The following FAF2 variants were observed in gnomAD, a reference collection of about 807,000 sequenced individuals.
FAF2 encodes the protein FAS-associated factor 2.
FAF2 carries 9 observed loss-of-function variants against 62.3 expected under a neutral mutation model. The observed-to-expected ratio is 0.14, with a 90% confidence interval of 0.09 to 0.25. The LOEUF (loss-of-function observed/expected upper bound fraction) is 0.25. FAF2 is among the 10% of genes least tolerant of loss of function. FAF2 has a pLI of 1.00. For missense variants in FAF2, 368 were observed against 556.2 expected (o/e 0.66, Z 3.40); for synonymous variants, 202 against 198.0 (o/e 1.02, Z -0.17).
intron 1 of FAF2, among the ~76,000 whole-genome samples, chr5:176,460,104 G>A (rs1174971328): frequency 1.3e-5 from 2 of 152,128 alleles, no homozygotes; most frequent in African/African-American, 4.8e-5. Context: ...TAGTGTATAT[G>A]TACCACATTT....
At chr5:176,471,591 C>A (rs1758570679) in intron 1 of FAF2, among the ~76,000 whole-genome samples, 4 of 151,728 alleles carry the variant, frequency 2.6e-5, no homozygotes, top group Admixed American at 2.6e-4. Flanking sequence ...CCATGTTGGC[C>A]AGGCTGGTCT....
chr5:176,469,789 C>G (rs1345206673), intron 1 of FAF2, among the ~76,000 whole-genome samples: 3 of 152,002 alleles, frequency 2.0e-5, no homozygotes, highest in Admixed American at 6.6e-5. Context: ...TTGTTGTAGC[C>G]AGTTAGAGTA....
intron 1 of FAF2, among the ~76,000 whole-genome samples, chr5:176,476,141 T>C (rs539341961): frequency 2.6e-5 from 4 of 152,216 alleles, no homozygotes; most frequent in Admixed American, 2.6e-4. Context: ...ACACCTGTGG[T>C]TCCAGCTGCT....
Position 176,473,503 on chromosome 5 carries a change from C to T in FAF2, c.64-5685C>T, listed in dbSNP as rs58494069. On this transcript the variant is annotated intron_variant, in intron 1 of 10. Coordinates refer to ENST00000261942, the MANE Select transcript of FAF2 (RefSeq NM_014613.3). ...TTGGTCAGGTTTCTCCACTGTTAAT[C>T]CCCCTGCCCTGTTTCCGTTCTGTAC... Among the ~76,000 whole-genome samples the T allele has an allele frequency of 8.2e-4, 125 of 152,244 alleles. 1 individual carries two copies. The East Asian group carries it at 0.022, about 26-fold the overall frequency.
rs1755488393 is a variant in FAF2, at chr5:176,496,527, A to G, written c.703A>G (p.Met235Val). Residue 235 changes from methionine (M) to valine (V), a missense_variant, in exon 8 of 11, where the codon ATG becomes GTG. This residue lies in a region of FAF2 where 331 missense variants were observed against 441.9 expected (regional missense o/e 0.75). Transcript: ENST00000261942. ...AGAGAACACCTATCCATTCCTGGCC[A>G]TGATTATGCTGAAGGATCGAAGGAT... ...LRENTYPFLA[M>V]IMLKDRRMTV... is the part of the protein sequence containing the mutation. 8 of 1,611,488 alleles carry G rather than the reference A, an allele frequency of 5.0e-6. No homozygotes were observed. Among genetic ancestry groups the G allele is most frequent in the South Asian group, 1.1e-5 (1 of 90,808 alleles).
intron 1 of FAF2, among the ~76,000 whole-genome samples, chr5:176,466,080 A>G (rs1267970373): frequency 6.6e-6 from 1 of 152,242 alleles, no homozygotes; most frequent in East Asian, 1.9e-4. Context: ...ACACGGTAAT[A>G]GATGTTTAGT....
chr5:176,506,986 C>T lies in FAF2; in HGVS notation c.*36C>T, dbSNP rs1258215069. ...TTCCTGTCCCCTCCTACCCCAGTCCCTAAAAGAAATGGGGAAAAAAGAAAA... is the reference window on the plus strand; with the variant it reads ...TTCCTGTCCCCTCCTACCCCAGTCCTTAAAAGAAATGGGGAAAAAAGAAAA... On this transcript the variant is annotated 3_prime_UTR_variant, in exon 11 of 11. Coordinates refer to ENST00000261942, the MANE Select transcript of FAF2 (RefSeq NM_014613.3). The T allele has an allele frequency of 1.5e-6, 2 of 1,349,594 alleles. No individual in the cohort carries two copies. The highest frequency in any genetic ancestry group is 1.9e-6 in the Non-Finnish European group (2 of 1,036,728). 83.6% of individuals were successfully genotyped at this position (1,349,594 alleles called of 1,614,324 possible). A position where few individuals can be genotyped will look rare whatever the true frequency, so the allele number is the denominator to read the frequency against.
In FAF2 at chr5:176,486,441, A is replaced by G; in HGVS notation, c.219A>G (p.Thr73=). ...PPPSRPLQVN[T]ADHRIYSYVV... ...CATCACGACCCCTGCAGGTTAATACAGCTGACCACAGGATCTACAGCTATG... is the reference window on the plus strand; with the variant it reads ...CATCACGACCCCTGCAGGTTAATACGGCTGACCACAGGATCTACAGCTATG... The change falls in exon 3 of 11, where the codon ACA becomes ACG. Residue 73 remains threonine (T), a synonymous_variant. Coordinates refer to ENST00000261942, the MANE Select transcript of FAF2 (RefSeq NM_014613.3). 3.1e-6 allele frequency: 5 copies of G among 1,614,162 alleles called. No individual in the cohort carries two copies. Among genetic ancestry groups the G allele is most frequent in the Non-Finnish European group, 3.4e-6 (4 of 1,180,012 alleles).
chr5:176,462,009 T>G (rs891645598), intron 1 of FAF2, among the ~76,000 whole-genome samples: 7 of 152,110 alleles, frequency 4.6e-5, no homozygotes, highest in Non-Finnish European at 7.4e-5. Context: ...AGGTGCAGTG[T>G]CTCACACCTG....
At chr5:176,482,167 A>G (rs1212192078) in intron 2 of FAF2, among the ~76,000 whole-genome samples, 1 of 151,144 alleles carries the variant, frequency 6.6e-6, no homozygotes, top group Non-Finnish European at 1.5e-5. Context: ...TGTCTATTCA[A>G]GTCCTTTGCC....
intron 4 of FAF2, among the ~76,000 whole-genome samples, chr5:176,491,767 T>A (rs936826865): frequency 1.3e-5 from 2 of 150,660 alleles, no homozygotes; most frequent in Middle Eastern, 3.4e-3. Flanking sequence ...GAATTTTAAT[T>A]GTATGTAATA....
intron 10 of FAF2, among the ~76,000 whole-genome samples, chr5:176,501,154 C>T (rs1755585694): frequency 1.3e-5 from 2 of 152,000 alleles, no homozygotes; most frequent in Non-Finnish European, 2.9e-5. Flanking sequence ...ATAATAGGCA[C>T]TCCCTAGTAG....
At chr5:176,485,583 A>C (rs1308033566) in intron 2 of FAF2, among the ~76,000 whole-genome samples, 2 of 152,174 alleles carry the variant, frequency 1.3e-5, no homozygotes, top group Non-Finnish European at 2.9e-5. Context: ...GGAGGGAATG[A>C]ATTTTTTAAA....
intron 1 of FAF2, among the ~76,000 whole-genome samples, chr5:176,465,996 G>A (rs761860122): frequency 1.3e-5 from 2 of 152,208 alleles, no homozygotes; most frequent in African/African-American, 2.4e-5. Context: ...TAGACAAGGC[G>A]TGTAACTTTT....
chr5:176,478,646 C>G lies in FAF2; in HGVS notation c.64-542C>G, dbSNP rs137899297. Among the ~76,000 whole-genome samples, 9 of 152,314 alleles carry G rather than the reference C, an allele frequency of 5.9e-5. No individual in the cohort carries two copies. The East Asian group carries it at 1.7e-3, about 29-fold the overall frequency. The stretch of plus-strand genomic sequence containing the variant: ...TATGTAGAGGTTGAGTATTCCTTAT[C>G]TAAAATGCTTGGAACCACAAGTGTT... On this transcript the variant is annotated intron_variant, in intron 1 of 10. Transcript: ENST00000261942.
chr5:176,489,055 T>C (rs1253018599), intron 4 of FAF2, 28 bp downstream of exon 4: 1 of 1,568,230 alleles, frequency 6.4e-7, no homozygotes, highest in East Asian at 2.2e-5. Context: ...TATGTATTAG[T>C]AGAATAGTAA....
At chr5:176,457,750 T>C (rs1284159134) in intron 1 of FAF2, among the ~76,000 whole-genome samples, 1 of 152,150 alleles carries the variant, frequency 6.6e-6, no homozygotes, top group Non-Finnish European at 1.5e-5. Flanking sequence ...GGGGCCTGTG[T>C]GTGGGCCTTG....
chr5:176,503,967 G>C (rs1379611529), intron 10 of FAF2, among the ~76,000 whole-genome samples: 1 of 151,940 alleles, frequency 6.6e-6, no homozygotes, highest in African/African-American at 2.4e-5. Context: ...TTCGAGACCA[G>C]CCTGGCCAAC....
rs140685958 is a variant in FAF2 at position 176,450,964 on chromosome 5, C to T, written c.63+2494C>T. ...TTCATTTTTCTATTCTATAAGCAAT[C>T]GCTGGATCAGATTCATTATCCAGAC... On this transcript the variant is annotated intron_variant, in intron 1 of 10. Transcript: ENST00000261942. Among the ~76,000 whole-genome samples the T allele has an allele frequency of 7.4e-4, 112 of 152,266 alleles. 1 individual carries two copies. The highest frequency in any genetic ancestry group is 2.5e-3 in the African/African-American group (102 of 41,574).
Sources: allele counts gnomAD v4.1 joint callset (sites outside exome capture counted in the v4.1 genomes callset), GRCh38; gene constraint gnomAD v4.1.1; regional missense constraint gnomAD v4.1.1; transcripts MANE v1.5; gene names NCBI Gene and HGNC (gene_info 2026-07-23, HGNC 2026-07-21).